The following VPS13B variants were observed in gnomAD, a reference collection of about 807,000 sequenced individuals.
VPS13B encodes the protein vacuolar protein sorting 13 homolog B.
Under a neutral mutation model 426.4 loss-of-function variants are expected in VPS13B, and 285 were observed. That is an observed-to-expected ratio of 0.67 (90% CI 0.61 to 0.74). VPS13B has a LOEUF of 0.74. Among genes scored for constraint, VPS13B ranks in the 30% least tolerant of loss-of-function variants. The probability of loss-of-function intolerance (pLI) is 0.00; values close to 1 mark genes in which losing one functional copy is unlikely to be tolerated. For missense variants in VPS13B, 4,537 were observed against 4,782.6 expected, an observed-to-expected ratio of 0.95 and a Z score of 1.51; for synonymous variants, 1,676 against 1,676.4, an observed-to-expected ratio of 1.00 and a Z score of 0.01.
At chr8:99,501,664 A>T (rs1821238387) in intron 25 of VPS13B, 23 bp from the exon 26 acceptor site, 2 of 1,604,000 alleles carry the variant, frequency 1.2e-6, no homozygotes, top group African/African-American at 2.7e-5. Flanking sequence ...ACAAAGTAAG[A>T]TTTTTTTTTC....
intron 30 of VPS13B, among the ~76,000 whole-genome samples, chr8:99,542,985 A>G (rs1264196964): frequency 6.6e-6 from 1 of 152,218 alleles, no homozygotes; most frequent in African/African-American, 2.4e-5. Context: ...TGGAACCAAA[A>G]AAGAGCCCGC....
chr8:99,864,248 A>G (rs1816982569), intron 58 of VPS13B, among the ~76,000 whole-genome samples: 1 of 152,354 alleles, frequency 6.6e-6, no homozygotes, highest in Admixed American at 6.5e-5. Context: ...AGCCATTATC[A>G]CATAATAATT....
intron 33 of VPS13B, among the ~76,000 whole-genome samples, chr8:99,582,613 G>A (rs1048962766): frequency 6.6e-6 from 1 of 151,808 alleles, no homozygotes; most frequent in African/African-American, 2.4e-5. Context: ...AATATTTCTT[G>A]TCATTTTACT....
At chr8:99,628,771 A>G (rs988353342) in intron 33 of VPS13B, among the ~76,000 whole-genome samples, 1 of 150,926 alleles carries the variant, frequency 6.6e-6, no homozygotes, top group African/African-American at 2.4e-5. Flanking sequence ...TTTACTAGCT[A>G]TGTGTTTTTT....
intron 26 of VPS13B, among the ~76,000 whole-genome samples, chr8:99,502,144 C>G (rs1160793569): frequency 1.3e-5 from 2 of 152,044 alleles, no homozygotes; most frequent in East Asian, 3.9e-4. Context: ...ACCACGACAC[C>G]CAGCTAATTT....
intron 19 of VPS13B, among the ~76,000 whole-genome samples, chr8:99,355,381 A>G (rs1812123510): frequency 6.6e-6 from 1 of 152,116 alleles, no homozygotes; most frequent in Non-Finnish European, 1.5e-5. Context: ...TCATGAGGTC[A>G]AGAGATCGAG....
chr8:99,080,670 C>T (rs1274396250), intron 3 of VPS13B, among the ~76,000 whole-genome samples: 1 of 152,112 alleles, frequency 6.6e-6, no homozygotes, highest in Non-Finnish European at 1.5e-5. Context: ...TGTTTGTTTG[C>T]ATAGATATTA....
intron 19 of VPS13B, among the ~76,000 whole-genome samples, chr8:99,304,315 A>T (rs999515139): frequency 3.3e-5 from 5 of 152,148 alleles, no homozygotes; most frequent in Non-Finnish European, 5.9e-5. Context: ...GCACTTCCCT[A>T]TGAGAGGATA....
At chr8:99,809,027 G>T (rs1032615624) in intron 43 of VPS13B, among the ~76,000 whole-genome samples, 2 of 151,372 alleles carry the variant, frequency 1.3e-5, no homozygotes. Context: ...GGAAAAAACC[G>T]TCAGCCAATA....
At chr8:99,500,765 G>A (rs3134168) in intron 25 of VPS13B, among the ~76,000 whole-genome samples, 26,514 of 152,120 alleles carry the variant, frequency 0.17, 2,835 homozygotes, top group East Asian at 0.39. Context: ...GGGATTTTAG[G>A]AACCCAATAC....
intron 39 of VPS13B, among the ~76,000 whole-genome samples, chr8:99,732,094 A>G (rs192156806): frequency 1.3e-5 from 2 of 152,256 alleles, no homozygotes; most frequent in African/African-American, 4.8e-5. Flanking sequence ...TCACAAGAAC[A>G]TAAGAGACAC....
intron 19 of VPS13B, among the ~76,000 whole-genome samples, chr8:99,327,163 T>C (rs1810321824): frequency 6.6e-6 from 1 of 152,168 alleles, no homozygotes; most frequent in Middle Eastern, 3.2e-3. Context: ...TTGTGTGTCA[T>C]GATTGATGGT....
chr8:99,737,670 G>A (rs1833901493), intron 39 of VPS13B, among the ~76,000 whole-genome samples: 1 of 152,092 alleles, frequency 6.6e-6, no homozygotes, highest in Non-Finnish European at 1.5e-5. Flanking sequence ...TCTCTACCTT[G>A]GTGCCACAAT....
rs1370204743 is a variant in VPS13B, at chr8:99,442,404, G to A, written c.3214G>A (p.Glu1072Lys). 4 of 1,613,158 alleles carry A rather than the reference G, an allele frequency of 2.5e-6. No individual in the cohort carries two copies. Among genetic ancestry groups the A allele is most frequent in the Non-Finnish European group, 3.4e-6 (4 of 1,179,220 alleles). Residue 1072 changes from glutamate to lysine, a missense_variant, in exon 23 of 62, where the codon GAA becomes AAA. By Grantham distance (56) the Glu-to-Lys change is moderately conservative. Coordinates refer to ENST00000357162, the MANE Select transcript of VPS13B (RefSeq NM_152564.5). The stretch of plus-strand genomic sequence containing the variant: ...TAATTCTGCTTTTCTTTTCTAGCTT[G>A]AAGTACAATCTTGTTGTGTGTTTAT... ...NAVKHLTLQL[E>K]VQSCCVFIPN...
intron 19 of VPS13B, chr8:99,346,667 A>T: frequency 5.6e-6 from 1 of 178,784 alleles, no homozygotes; most frequent in Non-Finnish European, 1.2e-5. Flanking sequence ...CCCACTTGTC[A>T]AAAGGCTCCA....
chr8:99,077,983 A>AT, intron 3 of VPS13B, among the ~76,000 whole-genome samples: 1 of 149,846 alleles, frequency 6.7e-6, no homozygotes, highest in Non-Finnish European at 1.5e-5. Context: ...GCTCAGTTGT[A>AT]TTTTTTATTT....
At chr8:99,516,560 A>G (rs988829708) in intron 29 of VPS13B, among the ~76,000 whole-genome samples, 20 of 152,014 alleles carry the variant, frequency 1.3e-4, no homozygotes, top group Non-Finnish European at 2.5e-4. Context: ...AGGCCAAAGC[A>G]GGCATATAGC....
rs150836518 is a variant in VPS13B at position 99,819,427 on chromosome 8, T to G, written c.8637T>G (p.Pro2879=). 1.2e-6 allele frequency: 2 copies of G among 1,613,862 alleles called. No individual in the cohort carries two copies. The highest frequency in any genetic ancestry group is 2.7e-5 in the African/African-American group (2 of 75,042). The part of the protein sequence containing the change: ...LTFQAREEYD[P]SDCAVPISTS... ...AATTTCCTAGAGAAGAATATGATCC[T>G]TCAGATTGTGCAGTTCCCATCTCAA... The change falls in exon 48 of 62, where the codon CCT becomes CCG. Residue 2879 remains proline, a synonymous_variant. Coordinates refer to ENST00000357162, the MANE Select transcript of VPS13B (RefSeq NM_152564.5).
At chr8:99,825,477 C>T (rs1343227181) in intron 51 of VPS13B, among the ~76,000 whole-genome samples, 1 of 152,100 alleles carries the variant, frequency 6.6e-6, no homozygotes, top group African/African-American at 2.4e-5. Flanking sequence ...GATATTAGCC[C>T]TTTGTCAGAT....
Sources: allele counts gnomAD v4.1 joint callset (sites outside exome capture counted in the v4.1 genomes callset), GRCh38; gene constraint gnomAD v4.1.1; transcripts MANE v1.5; gene names NCBI Gene and HGNC (gene_info 2026-07-23, HGNC 2026-07-21).